The following LRRC66 variants were observed in gnomAD, a reference collection of about 807,000 sequenced individuals.
The protein encoded by LRRC66 is leucine rich repeat containing 66.
LRRC66 carries 29 observed loss-of-function variants against 24.6 expected under a neutral mutation model. That is an observed-to-expected ratio of 1.18 (90% CI 0.88 to 1.61). The LOEUF (loss-of-function observed/expected upper bound fraction) is 1.61, where lower values mean the gene tolerates loss of function less well. LRRC66 is among the 40% of genes most tolerant of loss of function. LRRC66 has a pLI of 0.00. For synonymous variants in LRRC66, 411 were observed against 397.6 expected (o/e 1.03, Z -0.40); for missense variants, 1,124 against 1,058.0 (o/e 1.06, Z -0.87).
Position 51,994,926 on chromosome 4 carries a change from A to T in LRRC66, c.2096T>A (p.Leu699Ter). The T allele has an allele frequency of 6.2e-7, 1 of 1,614,160 alleles. No homozygotes were observed. Among genetic ancestry groups the T allele is most frequent in the East Asian group, 2.2e-5 (1 of 44,864 alleles). The change falls in exon 5 of 5, where the codon TTG (leucine) becomes TAG (stop). Residue 699 changes from leucine (L) to a stop codon, truncating the protein, a stop_gained. Transcript: ENST00000682860. LOFTEE classifies it low-confidence loss of function (END_TRUNC). ...KSTPSDTCCE[L>*]ESDCDSDEGS... Reference sequence around the variant, plus strand: ...CTCATCAGAGTCACAGTCACTCTCCAACTCACAGCAAGTGTCAGAAGGAGT... The same window carrying T: ...CTCATCAGAGTCACAGTCACTCTCCTACTCACAGCAAGTGTCAGAAGGAGT...
At chr4:52,020,273 C>T (rs1283499047) in intron 1 of LRRC66, among the ~76,000 whole-genome samples, 31 bp downstream of exon 1, 3 of 152,176 alleles carry the variant, frequency 2.0e-5, no homozygotes, top group Admixed American at 2.0e-4. Context: ...AAGGACAAGA[C>T]CTGGAAAGTA....
At chr4:52,013,844 C>T (rs1029300863) in intron 2 of LRRC66, among the ~76,000 whole-genome samples, 3 of 152,210 alleles carry the variant, frequency 2.0e-5, no homozygotes, top group African/African-American at 7.2e-5. Flanking sequence ...TTTCTGAGAT[C>T]TCTCTAATTT....
At chr4:51,998,030 T>C in intron 3 of LRRC66, 93 bp from the exon 4 acceptor site, 3 of 1,072,870 alleles carry the variant, frequency 2.8e-6, no homozygotes, top group Non-Finnish European at 4.1e-6. Context: ...TTTATGTCTC[T>C]ATGGAGGCAA....
rs1033898829 is a variant in LRRC66, at chr4:51,994,890, AAC to A, written c.2130_2131del (p.Phe711HisfsTer15). On this transcript the variant is annotated frameshift_variant, in exon 5 of 5. Transcript: ENST00000682860. LOFTEE classifies it low-confidence loss of function (END_TRUNC). ...CTCTGAACTTATGGAGCTCAGAGTG[AAC>A]AGAGACCCCTCATCAGAGTCACAGT... 6.2e-7 allele frequency: 1 copy of A among 1,614,012 alleles called. No homozygotes were observed. Among genetic ancestry groups the A allele is most frequent in the African/African-American group, 1.3e-5 (1 of 74,918 alleles).
rs756851044 is a variant in LRRC66, at chr4:51,997,823, T to C, written c.781A>G (p.Ser261Gly). 1 of 1,614,090 alleles carries C rather than the reference T, an allele frequency of 6.2e-7. No individual in the cohort carries two copies. The highest frequency in any genetic ancestry group is 1.7e-5 in the Admixed American group (1 of 60,014). Residue 261 changes from serine (S) to glycine (G), a missense_variant, in exon 4 of 5, where the codon AGT (serine) becomes GGT (glycine). By Grantham distance (56) the Ser-to-Gly change is moderately conservative (BLOSUM62 0). Transcript: ENST00000682860. ...LADNNWQCDD[S>G]VAVFQNFISE... ...ATAAAATTTTGAAAGACTGCCACACTATCATCACACTGCCAGTTATTATCA... is the reference window on the plus strand; with the variant it reads ...ATAAAATTTTGAAAGACTGCCACACCATCATCACACTGCCAGTTATTATCA...
rs201366554 is a variant in LRRC66, at chr4:51,997,844, T to A, written c.760A>T (p.Asn254Tyr). ...ACACTATCATCACACTGCCAGTTAT[T>A]ATCAGCCAAGTCAACCACTAGATGG... is the stretch of plus-strand genomic sequence containing the variant. Reference protein sequence around the residue: ...FPHLVVDLADNNWQCDDSVAV... With the variant: ...FPHLVVDLADYNWQCDDSVAV... The change falls in exon 4 of 5, where the codon AAT becomes TAT. Residue 254 changes from asparagine (N) to tyrosine (Y), a missense_variant. Physicochemically the swap from Asn to Tyr is moderately radical, Grantham distance 143. Coordinates refer to ENST00000682860, the MANE Select transcript of LRRC66 (RefSeq NM_001024611.3). The A allele has an allele frequency of 1.1e-4, 177 of 1,614,094 alleles. No individual in the cohort carries two copies. The East Asian group carries it at 3.0e-3, about 27-fold the overall frequency.
Position 51,994,613 on chromosome 4 carries a change from T to C in LRRC66, c.2409A>G (p.Ser803=). 6.2e-7 allele frequency: 1 copy of C among 1,614,176 alleles called. No homozygotes were observed. The highest frequency in any genetic ancestry group is 1.1e-5 in the South Asian group (1 of 91,082). The change falls in exon 5 of 5, where the codon TCA becomes TCG. Residue 803 remains serine, a synonymous_variant. Coordinates refer to ENST00000682860, the MANE Select transcript of LRRC66 (RefSeq NM_001024611.3). ...TATTCCCTGGTGACCTGGGCCAGGG[T>C]GACAGGCCCTCAGATCTATCAGTGT... The part of the protein sequence containing the change: ...ASDTDRSEGL[S]PWPRSPGNSP...
Position 52,013,187 on chromosome 4 carries a change from T to C in LRRC66, c.496+3931A>G, listed in dbSNP as rs1228946666. Among the ~76,000 whole-genome samples the C allele has an allele frequency of 4.6e-5, 7 of 152,232 alleles. No homozygotes were observed. The South Asian group carries it at 1.2e-3, about 27-fold the overall frequency. ...AGTACATTGCTTATTGATAATTCCA[T>C]AATCCAGTAGCAATCAGGATGAAAT... On this transcript the variant is annotated intron_variant, in intron 2 of 4. Coordinates refer to ENST00000682860, the MANE Select transcript of LRRC66 (RefSeq NM_001024611.3).
intron 2 of LRRC66, among the ~76,000 whole-genome samples, chr4:52,016,618 A>T (rs1266173662): frequency 6.6e-6 from 1 of 152,174 alleles, no homozygotes; most frequent in Non-Finnish European, 1.5e-5. Flanking sequence ...TGACTTGATA[A>T]TCAGAAGGTT....
chr4:51,995,806 G>A lies in LRRC66; in HGVS notation c.1216C>T (p.Gln406Ter). Reference protein sequence around the residue: ...FTRPYVDRLWQKKCQSKSPGL... With the variant: ...FTRPYVDRLW The stretch of plus-strand genomic sequence containing the variant: ...GGGCTTTTGCTCTGGCACTTTTTTT[G>A]CCACAGTCTGTCAACATAAGGCCTT... Residue 406 changes from glutamine to a stop codon, truncating the protein, a stop_gained, in exon 5 of 5, where the codon CAA (glutamine) becomes TAA (stop). Coordinates refer to ENST00000682860, the MANE Select transcript of LRRC66 (RefSeq NM_001024611.3). LOFTEE classifies it low-confidence loss of function (END_TRUNC). 6.2e-7 allele frequency: 1 copy of A among 1,613,954 alleles called. No individual in the cohort carries two copies. Among genetic ancestry groups the A allele is most frequent in the African/African-American group, 1.3e-5 (1 of 74,982 alleles).
At chr4:52,013,269 G>A (rs1387623808) in intron 2 of LRRC66, among the ~76,000 whole-genome samples, 2 of 152,074 alleles carry the variant, frequency 1.3e-5, no homozygotes, top group Non-Finnish European at 2.9e-5. Context: ...ATAATACACT[G>A]TGTATTTTTT....
chr4:52,017,288 T>C lies in LRRC66; in HGVS notation c.326A>G (p.His109Arg). The C allele has an allele frequency of 6.2e-7, 1 of 1,614,154 alleles. No homozygotes were observed. Among genetic ancestry groups the C allele is most frequent in the Non-Finnish European group, 8.5e-7 (1 of 1,180,006 alleles). ...GCTGAGGTTTAACACTTCCAAAGCATGTAAATATGCAAAAGGGCTTAAGGT... is the reference window on the plus strand; with the variant it reads ...GCTGAGGTTTAACACTTCCAAAGCACGTAAATATGCAAAAGGGCTTAAGGT... Reference protein sequence around the residue: ...KITLSPFAYLHALEVLNLSNN... With the variant: ...KITLSPFAYLRALEVLNLSNN... Residue 109 changes from histidine to arginine, a missense_variant, in exon 2 of 5, where the codon CAT (histidine) becomes CGT (arginine). Transcript: ENST00000682860.
At position 51,997,657 on chromosome 4, in the gene LRRC66, T is replaced by C. The variant is rs1736353768; in HGVS notation, c.856+91A>G. On this transcript the variant is annotated intron_variant, in intron 4 of 4. Coordinates refer to ENST00000682860, the MANE Select transcript of LRRC66 (RefSeq NM_001024611.3). Reference sequence around the variant, plus strand: ...CCAAGGATCAGCACTTTTGCTTTCATGGGGACTGTCATTATTTCAAAAAGA... The same window carrying C: ...CCAAGGATCAGCACTTTTGCTTTCACGGGGACTGTCATTATTTCAAAAAGA... The C allele has an allele frequency of 2.1e-5, 25 of 1,210,614 alleles. 1 individual carries two copies. The South Asian group carries it at 3.3e-4, about 16-fold the overall frequency. The allele number at this position is 1,210,614 out of a possible 1,614,324, so 75.0% of individuals were successfully genotyped here.
At chr4:52,018,486 C>T (rs1736868244) in intron 1 of LRRC66, 2 of 985,108 alleles carry the variant, frequency 2.0e-6, no homozygotes, top group Non-Finnish European at 2.4e-6. Context: ...AGAAATTGTC[C>T]CTTCCTTTCT....
At chr4:52,007,260 C>T (rs2110199094) in intron 2 of LRRC66, among the ~76,000 whole-genome samples, 1 of 152,302 alleles carries the variant, frequency 6.6e-6, no homozygotes, top group East Asian at 1.9e-4. Context: ...CTCACTGTAA[C>T]CTCGAACTCC....
intron 2 of LRRC66, among the ~76,000 whole-genome samples, chr4:52,010,839 G>A (rs1271293126): frequency 6.6e-6 from 1 of 152,106 alleles, no homozygotes; most frequent in African/African-American, 2.4e-5. Flanking sequence ...GGGCTTGCTA[G>A]GTCGAATTGT....
At chr4:52,009,509 C>A (rs892988247) in intron 2 of LRRC66, among the ~76,000 whole-genome samples, 4 of 151,930 alleles carry the variant, frequency 2.6e-5, no homozygotes, top group Admixed American at 6.6e-5. Flanking sequence ...CCAGGCTGAT[C>A]AGAAAAGAGA....
In LRRC66 at chr4:51,993,763, G is replaced by A. The variant is rs983493438; in HGVS notation, c.*616C>T. On this transcript the variant is annotated 3_prime_UTR_variant, in exon 5 of 5. Coordinates refer to ENST00000682860, the MANE Select transcript of LRRC66 (RefSeq NM_001024611.3). ...AACTTTTCCAATTTTGCAGTTTCAC[G>A]ATCAGCCTCCAAAAAGTTGTGCTAG... The A allele has an allele frequency of 6.6e-6, 1 of 151,938 alleles. No homozygotes were observed. Among genetic ancestry groups the A allele is most frequent in the Non-Finnish European group, 1.5e-5 (1 of 68,006 alleles). The allele number at this position is 151,938 out of a possible 1,614,324, so 9.4% of individuals were successfully genotyped here.
intron 1 of LRRC66, among the ~76,000 whole-genome samples, 131 bp downstream of exon 1, chr4:52,020,173 G>A (rs1005488924): frequency 6.6e-6 from 1 of 152,052 alleles, no homozygotes; most frequent in African/African-American, 2.4e-5. Flanking sequence ...AAAAAACAAA[G>A]TATTATAGAA....
Sources: gnomAD v4.1 joint callset for allele counts (sites outside exome capture counted in the v4.1 genomes callset) on GRCh38, gnomAD v4.1.1 for gene constraint, MANE v1.5 for transcripts, NCBI Gene and HGNC (gene_info 2026-07-23, HGNC 2026-07-21) for gene names.